GRIA1: variants seen among roughly 807,000 people sequenced by gnomAD.
GRIA1 encodes the protein glutamate ionotropic receptor AMPA type subunit 1.
Under a neutral mutation model 99.2 loss-of-function variants are expected in GRIA1, and 31 were observed. The ratio of observed to expected loss-of-function variants is 0.31; its 90% CI spans 0.23 to 0.42. GRIA1 has a LOEUF of 0.42. Among genes scored for constraint, GRIA1 ranks in the 10% least tolerant of loss-of-function variants. GRIA1 has a pLI of 1.00. For missense variants in GRIA1, 782 were observed against 1,157.5 expected (o/e 0.68, Z 4.71); for synonymous variants, 438 against 432.4 (o/e 1.01, Z -0.16).
intron 8 of GRIA1, among the ~76,000 whole-genome samples, chr5:153,691,351 C>A (rs1757736944): frequency 6.6e-6 from 1 of 152,196 alleles, no homozygotes; most frequent in Non-Finnish European, 1.5e-5. Context: ...TTACATTTTT[C>A]ATCGAAGAAC....
chr5:153,721,847 A>G (rs1264707960), intron 11 of GRIA1, among the ~76,000 whole-genome samples: 1 of 152,176 alleles, frequency 6.6e-6, no homozygotes, highest in Non-Finnish European at 1.5e-5. Flanking sequence ...GTCTTTTGGT[A>G]TGTGTATTTC....
At chr5:153,571,588 G>T (rs1762125447) in intron 2 of GRIA1, among the ~76,000 whole-genome samples, 1 of 152,230 alleles carries the variant, frequency 6.6e-6, no homozygotes, top group Non-Finnish European at 1.5e-5. Context: ...AAAATCAGGT[G>T]GTGGGCTAGA....
In GRIA1 at chr5:153,705,711, T is replaced by C; in HGVS notation, c.1467T>C (p.Ala489=). The change falls in exon 11 of 16, where the codon GCT becomes GCC. Residue 489 remains alanine, a synonymous_variant. Coordinates refer to ENST00000285900, the MANE Select transcript of GRIA1 (RefSeq NM_000827.4). ...GELVYGRADV[A]VAPLTITLVR... ...TTTTTTTTCAGAGAGCAGATGTGGC[T>C]GTGGCTCCCTTAACTATCACTTTGG... 1.2e-6 allele frequency: 1 copy of C among 839,544 alleles called. No homozygotes were observed. Among genetic ancestry groups the C allele is most frequent in the East Asian group, 6.1e-5 (1 of 16,500 alleles). 52.0% of individuals were successfully genotyped at this position (839,544 alleles called of 1,614,324 possible).
intron 2 of GRIA1, among the ~76,000 whole-genome samples, chr5:153,575,104 C>T (rs1220956098): frequency 6.6e-6 from 1 of 152,012 alleles, no homozygotes; most frequent in Non-Finnish European, 1.5e-5. Flanking sequence ...TTCTAAATCA[C>T]AAGGAAACTC....
rs1243410899 is a variant in GRIA1 at position 153,647,144 on chromosome 5, T to C, written c.437T>C (p.Val146Ala). 1 of 1,613,874 alleles carries C rather than the reference T, an allele frequency of 6.2e-7. No individual in the cohort carries two copies. Among genetic ancestry groups the C allele is most frequent in the South Asian group, 1.1e-5 (1 of 91,070 alleles). Residue 146 changes from valine (V) to alanine (A), a missense_variant, in exon 3 of 16, where the codon GTC (valine) becomes GCC (alanine). By Grantham distance (64) the Val-to-Ala change is moderately conservative (BLOSUM62 0). Around this residue, in one of 5 missense-constraint regions of GRIA1, gnomAD observed 461 missense variants for 521.7 expected, o/e 0.88. Transcript: ENST00000285900. ...IIDHYKWQKF[V>A]YIYDADRGLS... ...GACCATTACAAGTGGCAGAAATTTGTCTACATTTATGATGCCGACCGGGGT... is the reference window on the plus strand; with the variant it reads ...GACCATTACAAGTGGCAGAAATTTGCCTACATTTATGATGCCGACCGGGGT...
At chr5:153,511,617 C>T (rs901831348) in intron 2 of GRIA1, among the ~76,000 whole-genome samples, 1 of 152,172 alleles carries the variant, frequency 6.6e-6, no homozygotes, top group Admixed American at 6.5e-5. Context: ...TGAATAATGT[C>T]TTGTGATGTT....
At chr5:153,671,001 A>T (rs564223975) in intron 5 of GRIA1, among the ~76,000 whole-genome samples, 14 of 152,336 alleles carry the variant, frequency 9.2e-5, no homozygotes, top group African/African-American at 3.4e-4. Context: ...ATAGTTCATG[A>T]CCACAAGTTA....
chr5:153,727,580 T>C (rs1323537080), intron 11 of GRIA1, among the ~76,000 whole-genome samples: 1 of 152,156 alleles, frequency 6.6e-6, no homozygotes, highest in African/African-American at 2.4e-5. Context: ...CAAGAATTCT[T>C]ATACACCAAT....
chr5:153,721,832 T>C (rs1477183518), intron 11 of GRIA1, among the ~76,000 whole-genome samples: 1 of 152,208 alleles, frequency 6.6e-6, no homozygotes, highest in South Asian at 2.1e-4. Context: ...AAGATTCTTG[T>C]AAAAGTCTTT....
At chr5:153,666,741 A>G (rs1755772232) in intron 5 of GRIA1, among the ~76,000 whole-genome samples, 1 of 152,222 alleles carries the variant, frequency 6.6e-6, no homozygotes, top group Admixed American at 6.5e-5. Flanking sequence ...TAAATGAGAT[A>G]ACACAAATAA....
At chr5:153,588,370 T>G (rs1322935217) in intron 2 of GRIA1, among the ~76,000 whole-genome samples, 1 of 152,170 alleles carries the variant, frequency 6.6e-6, no homozygotes, top group Admixed American at 6.5e-5. Flanking sequence ...CCATTACTCC[T>G]CTACTCCAAA....
intron 11 of GRIA1, among the ~76,000 whole-genome samples, chr5:153,754,778 C>A (rs1762715936): frequency 6.6e-6 from 1 of 152,186 alleles, no homozygotes; most frequent in Admixed American, 6.6e-5. Context: ...TTTATGCATT[C>A]ATTTACTAAT....
At chr5:153,611,705 C>T (rs1766000503) in intron 2 of GRIA1, among the ~76,000 whole-genome samples, 1 of 152,192 alleles carries the variant, frequency 6.6e-6, no homozygotes, top group Non-Finnish European at 1.5e-5. Flanking sequence ...TCCAGATTCT[C>T]ACCTTCTCTT....
intron 11 of GRIA1, among the ~76,000 whole-genome samples, chr5:153,717,304 C>G (rs186992370): frequency 1.3e-5 from 2 of 152,178 alleles, no homozygotes; most frequent in Admixed American, 1.3e-4. Context: ...ATGAATGGTG[C>G]CTTGAAAGAT....
chr5:153,564,654 T>C (rs1761460669), intron 2 of GRIA1, among the ~76,000 whole-genome samples: 1 of 152,170 alleles, frequency 6.6e-6, no homozygotes, highest in South Asian at 2.1e-4. Flanking sequence ...ACATGGTGAC[T>C]GGGTCTTAAG....
rs148546484 is a variant in GRIA1, at chr5:153,515,936, C to A, written c.220+21871C>A. Among the ~76,000 whole-genome samples, 121 of 152,220 alleles carry A rather than the reference C, an allele frequency of 7.9e-4. 1 individual carries two copies. In the South Asian group the frequency reaches 8.3e-3, roughly 10 times the overall value. On this transcript the variant is annotated intron_variant, in intron 2 of 15. Transcript: ENST00000285900. ...ATAGATGAATAGAAGTCTACCATAT[C>A]TAGGCTGGGAGTGGTGGCTCACACC... is the stretch of plus-strand genomic sequence containing the variant.
chr5:153,543,177 G>A (rs1236113875), intron 2 of GRIA1, among the ~76,000 whole-genome samples: 2 of 152,158 alleles, frequency 1.3e-5, no homozygotes, highest in Non-Finnish European at 2.9e-5. Context: ...GGTGATCCTG[G>A]TGATACCTGA....
intron 13 of GRIA1, among the ~76,000 whole-genome samples, chr5:153,785,748 G>A (rs1313364740): frequency 1.3e-5 from 2 of 152,190 alleles, no homozygotes; most frequent in Non-Finnish European, 2.9e-5. Flanking sequence ...TCTAGCTCGT[G>A]AATTTCCTCC....
chr5:153,574,420 A>C (rs565508310), intron 2 of GRIA1: 1 of 152,298 alleles, frequency 6.6e-6, no homozygotes, highest in East Asian at 1.9e-4. Context: ...AATAATCATT[A>C]TCTTTGTTCA....
Sources: gnomAD v4.1 joint callset for allele counts (sites outside exome capture counted in the v4.1 genomes callset) on GRCh38, gnomAD v4.1.1 for gene constraint, gnomAD v4.1.1 regional missense constraint, MANE v1.5 for transcripts, NCBI Gene and HGNC (gene_info 2026-07-23, HGNC 2026-07-21) for gene names.